LNPK: variants seen among roughly 807,000 people sequenced by gnomAD.
The protein encoded by LNPK is endoplasmic reticulum junction formation protein lunapark.
LNPK carries 29 observed loss-of-function variants against 55.2 expected under a neutral mutation model. The ratio of observed to expected loss-of-function variants is 0.53; its 90% confidence interval spans 0.39 to 0.72. The LOEUF is 0.72. Among genes scored for constraint, LNPK ranks in the 30% least tolerant of loss-of-function variants. The pLI, the probability that LNPK is intolerant of heterozygous loss-of-function variation, is 0.00. For synonymous variants in LNPK, 162 were observed against 168.2 expected, an observed-to-expected ratio of 0.96 and a Z score of 0.29; for missense variants, 467 against 494.8, an observed-to-expected ratio of 0.94 and a Z score of 0.53.
intron 9 of LNPK, among the ~76,000 whole-genome samples, chr2:175,940,255 A>C (rs192778893): frequency 6.6e-6 from 1 of 151,948 alleles, no homozygotes; most frequent in African/African-American, 2.4e-5. Flanking sequence ...AGACTCTCAC[A>C]GTTGAGGAGA....
Position 175,927,850 on chromosome 2 carries a change from C to T in LNPK, c.*2117G>A, listed in dbSNP as rs1310560663. ...ATATGGTTACAAACATGTTACCTAT[C>T]GCATTAATTTTACTAATCCCCTTTT... is the stretch of plus-strand genomic sequence containing the variant. On this transcript the variant is annotated 3_prime_UTR_variant, in exon 13 of 13. Coordinates refer to ENST00000272748, the MANE Select transcript of LNPK (RefSeq NM_030650.3). 6.6e-6 allele frequency: 1 copy of T among 152,062 alleles called. No individual in the cohort carries two copies. Among genetic ancestry groups the T allele is most frequent in the African/African-American group, 2.4e-5 (1 of 41,400 alleles). 9.4% of individuals were successfully genotyped at this position (152,062 alleles called of 1,614,324 possible). A position where few individuals can be genotyped will look rare whatever the true frequency, so the allele number is the denominator to read the frequency against.
chr2:175,995,430 GAA>G, intron 2 of LNPK, 126 bp downstream of exon 2: 5 of 588,522 alleles, frequency 8.5e-6, no homozygotes, highest in Non-Finnish European at 1.4e-5. Context: ...ATTCAAAAGA[GAA>G]GAAAAAAGTT....
At chr2:175,990,078 C>G in intron 4 of LNPK, among the ~76,000 whole-genome samples, 1 of 152,176 alleles carries the variant, frequency 6.6e-6, no homozygotes, top group East Asian at 1.9e-4. Flanking sequence ...CCTTTTGCCT[C>G]TAAGTCTTTA....
rs1013907115 is a variant in LNPK, at chr2:175,924,492, A to T, written c.*5475T>A. The T allele has an allele frequency of 6.6e-5, 10 of 152,284 alleles. No individual in the cohort carries two copies. The highest frequency in any genetic ancestry group is 2.4e-4 in the African/African-American group (10 of 41,572). The allele number at this position is 152,284 out of a possible 1,614,324, so 9.4% of individuals were successfully genotyped here. A position where few individuals can be genotyped will look rare whatever the true frequency, so the allele number is the denominator to read the frequency against. ...ATGTAACCTTCAGGTTGTATTTTTTAAATAACCTTAAATGCTGACACCAAC... is the reference window on the plus strand; with the variant it reads ...ATGTAACCTTCAGGTTGTATTTTTTTAATAACCTTAAATGCTGACACCAAC... On this transcript the variant is annotated 3_prime_UTR_variant, in exon 13 of 13. Transcript: ENST00000272748.
At position 175,929,756 on chromosome 2, in the gene LNPK, C is replaced by G; in HGVS notation, c.*211G>C. ...TCAATAGTGTGGGTCTTTGTACATT[C>G]AAAAGGATCTTACTTCACTGATATA... is the stretch of plus-strand genomic sequence containing the variant. On this transcript the variant is annotated 3_prime_UTR_variant, in exon 13 of 13. Coordinates refer to ENST00000272748, the MANE Select transcript of LNPK (RefSeq NM_030650.3). 7.1e-7 allele frequency: 1 copy of G among 1,399,434 alleles called. No homozygotes were observed. Among genetic ancestry groups the G allele is most frequent in the East Asian group, 2.6e-5 (1 of 38,734 alleles). 86.7% of individuals were successfully genotyped at this position (1,399,434 alleles called of 1,614,324 possible). A position where few individuals can be genotyped will look rare whatever the true frequency, so the allele number is the denominator to read the frequency against.
At chr2:175,942,506 A>G (rs1684901417) in intron 9 of LNPK, among the ~76,000 whole-genome samples, 1 of 152,168 alleles carries the variant, frequency 6.6e-6, no homozygotes, top group South Asian at 2.1e-4. Flanking sequence ...CAAAATAATT[A>G]AATTAGAAAT....
In LNPK at chr2:175,946,968, C is replaced by T. The variant is rs368310601; in HGVS notation, c.706+512G>A. Among the ~76,000 whole-genome samples, 18 of 151,630 alleles carry T rather than the reference C, an allele frequency of 1.2e-4. No individual in the cohort carries two copies. The East Asian group carries it at 2.9e-3, about 24-fold the overall frequency. On this transcript the variant is annotated intron_variant, in intron 9 of 12. Coordinates refer to ENST00000272748, the MANE Select transcript of LNPK (RefSeq NM_030650.3). ...AAGAGAATATGTTCATTTAATAGAGCTTTATAAAATATCTATCAGAAAATA... is the reference window on the plus strand; with the variant it reads ...AAGAGAATATGTTCATTTAATAGAGTTTTATAAAATATCTATCAGAAAATA...
intron 12 of LNPK, among the ~76,000 whole-genome samples, chr2:175,934,207 T>C (rs1448389423): frequency 6.6e-6 from 1 of 152,232 alleles, no homozygotes; most frequent in Non-Finnish European, 1.5e-5. Context: ...GATTATTTAA[T>C]GGATCTGGTA....
rs190705346 is a variant in LNPK at position 175,955,494 on chromosome 2, C to T, written c.494-7802G>A. Reference sequence around the variant, plus strand: ...AAATTTCATGAGCAAAAAAAGAATGCTGTGTTAAATCACTAAATTTCAGGA... The same window carrying T: ...AAATTTCATGAGCAAAAAAAGAATGTTGTGTTAAATCACTAAATTTCAGGA... On this transcript the variant is annotated intron_variant, in intron 8 of 12. Coordinates refer to ENST00000272748, the MANE Select transcript of LNPK (RefSeq NM_030650.3). 8.7e-4 allele frequency among the ~76,000 whole-genome samples: 133 copies of T among 152,276 alleles called. 1 individual carries two copies. Among genetic ancestry groups the T allele is most frequent in the African/African-American group, 3.0e-3 (126 of 41,554 alleles).
In LNPK at chr2:175,925,661, C is replaced by CTCT. The variant is rs1683977503; in HGVS notation, c.*4305_*4306insAGA. On this transcript the variant is annotated 3_prime_UTR_variant, in exon 13 of 13. Transcript: ENST00000272748. ...AGCAATGGCGTGGCAGATTCATTTT[C>CTCT]TTTCTTTCTTTTTTTTTTTTGAGAT... 1 of 149,610 alleles carries CTCT rather than the reference C, an allele frequency of 6.7e-6. No individual in the cohort carries two copies. Among genetic ancestry groups the CTCT allele is most frequent in the Non-Finnish European group, 1.4e-5 (1 of 69,484 alleles). The allele number at this position is 149,610 out of a possible 1,614,324, so 9.3% of individuals were successfully genotyped here.
At chr2:175,974,583 T>C (rs944514116) in intron 5 of LNPK, among the ~76,000 whole-genome samples, 17 of 152,204 alleles carry the variant, frequency 1.1e-4, no homozygotes, top group Non-Finnish European at 2.1e-4. Flanking sequence ...CATTTTACTA[T>C]TGCAATAATT....
Position 175,971,899 on chromosome 2 carries a change from C to A in LNPK, c.317-1095G>T, listed in dbSNP as rs1274781219. 3.3e-5 allele frequency among the ~76,000 whole-genome samples: 5 copies of A among 152,088 alleles called. No individual in the cohort carries two copies. The South Asian group carries it at 8.3e-4, about 25-fold the overall frequency. ...AAGTAAGTATTTTGGGCTTTATGGG[C>A]CAAAAAGCAAAATCAAGTCTGTATT... is the stretch of plus-strand genomic sequence containing the variant. On this transcript the variant is annotated intron_variant, in intron 5 of 12. Transcript: ENST00000272748.
intron 8 of LNPK, among the ~76,000 whole-genome samples, chr2:175,963,916 C>T (rs969577140): frequency 1.3e-4 from 20 of 151,500 alleles, no homozygotes; most frequent in African/African-American, 4.6e-4. Context: ...CATTACACAG[C>T]GATAATTCAA....
At position 175,930,104 on chromosome 2, in the gene LNPK, A is replaced by G. The variant is rs1488152654; in HGVS notation, c.1150T>C (p.Ser384Pro). The stretch of plus-strand genomic sequence containing the variant: ...TTCTCCTCTGGTTCCTCTGAGTCAG[A>G]TGCTTTTTCAATCACTTGGTTTGTC... ...EQTNQVIEKA[S>P]DSEEPEEKQE... The change falls in exon 13 of 13, where the codon TCT (serine) becomes CCT (proline). Residue 384 changes from serine (S) to proline (P), a missense_variant. Transcript: ENST00000272748. The G allele has an allele frequency of 6.2e-7, 1 of 1,614,022 alleles. No individual in the cohort carries two copies. The highest frequency in any genetic ancestry group is 1.1e-5 in the South Asian group (1 of 91,078).
At chr2:175,952,573 G>A (rs956670939) in intron 8 of LNPK, among the ~76,000 whole-genome samples, 1 of 151,662 alleles carries the variant, frequency 6.6e-6, no homozygotes, top group Non-Finnish European at 1.5e-5. Flanking sequence ...ATACTAAGCT[G>A]CTCCAAATTC....
chr2:175,998,460 A>AG (rs1308517049), intron 1 of LNPK, among the ~76,000 whole-genome samples: 2 of 150,450 alleles, frequency 1.3e-5, no homozygotes, highest in African/African-American at 4.9e-5. Flanking sequence ...AAAAAAAAAA[A>AG]GAAGAAAAGA....
At position 175,971,109 on chromosome 2, in the gene LNPK, T is replaced by G. The variant is rs527507111; in HGVS notation, c.317-305A>C. Among the ~76,000 whole-genome samples the G allele has an allele frequency of 2.4e-4, 36 of 151,680 alleles. 1 individual carries two copies. The highest frequency in any genetic ancestry group is 2.0e-3 in the Admixed American group (31 of 15,292). The stretch of plus-strand genomic sequence containing the variant: ...CAGAAACATTACTTTCTACTATTTC[T>G]TTTTCCTTTCAACACCTCACCCACA... On this transcript the variant is annotated intron_variant, in intron 5 of 12. Transcript: ENST00000272748.
chr2:175,995,530 G>C (rs749465782), intron 2 of LNPK, 28 bp downstream of exon 2: 1 of 1,577,226 alleles, frequency 6.3e-7, no homozygotes, highest in Non-Finnish European at 8.7e-7. Context: ...TTAGACTCAA[G>C]AACTAGCTGT....
rs374107806 is a variant in LNPK at position 175,954,506 on chromosome 2, G to A, written c.494-6814C>T. Among the ~76,000 whole-genome samples, 40 of 152,304 alleles carry A rather than the reference G, an allele frequency of 2.6e-4. 1 individual carries two copies. The South Asian group carries it at 8.1e-3, about 31-fold the overall frequency. On this transcript the variant is annotated intron_variant, in intron 8 of 12. Transcript: ENST00000272748. ...CATACAGAAAAGCTATCTTTAAGCA[G>A]AAAGTTTTCTATTAATAATAATATA...
Sources: gnomAD v4.1 joint callset for allele counts (sites outside exome capture counted in the v4.1 genomes callset) on GRCh38, gnomAD v4.1.1 for gene constraint, MANE v1.5 for transcripts, NCBI Gene and HGNC (gene_info 2026-07-23, HGNC 2026-07-21) for gene names.